The following LRMDA variants were observed in gnomAD, a reference collection of about 807,000 sequenced individuals.
The protein encoded by LRMDA is leucine-rich melanocyte differentiation-associated protein.
In LRMDA, 18 loss-of-function variants were observed where a neutral mutation model predicts 29.8. The observed-to-expected ratio is 0.60, with a 90% CI of 0.42 to 0.90. The LOEUF (loss-of-function observed/expected upper bound fraction) is 0.90, where lower values mean the gene tolerates loss of function less well. LRMDA is among the 40% of genes least tolerant of loss of function. The pLI is 0.00. For missense variants in LRMDA, 273 were observed against 273.9 expected, an observed-to-expected ratio of 1.00 and a Z score of 0.02; for synonymous variants, 125 against 109.4, an observed-to-expected ratio of 1.14 and a Z score of -0.89.
intron 5 of LRMDA, among the ~76,000 whole-genome samples, chr10:76,211,124 A>G (rs1361894819): frequency 2.6e-5 from 4 of 151,938 alleles, no homozygotes; most frequent in African/African-American, 9.7e-5. Context: ...ATGTGATTTT[A>G]CTTTTCACCT....
chr10:75,618,378 CTCTCTATA>C (rs1406751879), intron 2 of LRMDA, among the ~76,000 whole-genome samples: 383 of 62,606 alleles, frequency 6.1e-3, no homozygotes, highest in African/African-American at 0.016. Context: ...CTCTCTCTCT[CTCTCTATA>C]TATATATATA....
At chr10:75,810,957 T>C (rs1003797864) in intron 2 of LRMDA, among the ~76,000 whole-genome samples, 1 of 152,148 alleles carries the variant, frequency 6.6e-6, no homozygotes, top group Non-Finnish European at 1.5e-5. Context: ...GAGAGGTTAA[T>C]TAACTTGCCC....
chr10:75,481,110 A>G (rs904843682), intron 2 of LRMDA, among the ~76,000 whole-genome samples: 2 of 152,178 alleles, frequency 1.3e-5, no homozygotes, highest in Non-Finnish European at 2.9e-5. Flanking sequence ...TCCAGGACAC[A>G]GTAGATATAT....
chr10:75,617,368 TG>T (rs1841117573), intron 2 of LRMDA, among the ~76,000 whole-genome samples: 1 of 152,142 alleles, frequency 6.6e-6, no homozygotes, highest in African/African-American at 2.4e-5. Context: ...TGGGAGTACA[TG>T]GTGGCAGCTT....
intron 6 of LRMDA, among the ~76,000 whole-genome samples, chr10:76,339,546 A>G (rs1443447660): frequency 6.6e-6 from 1 of 151,968 alleles, no homozygotes; most frequent in Non-Finnish European, 1.5e-5. Flanking sequence ...AACCAAGCAA[A>G]CCTAATGACA....
intron 2 of LRMDA, among the ~76,000 whole-genome samples, chr10:75,859,614 C>CAA (rs1023439327): frequency 4.1e-5 from 6 of 146,694 alleles, no homozygotes; most frequent in African/African-American, 7.9e-5. Context: ...CACACACACA[C>CAA]ACACACACAC....
intron 2 of LRMDA, among the ~76,000 whole-genome samples, chr10:75,708,629 G>A (rs757470355): frequency 1.2e-4 from 19 of 152,048 alleles, no homozygotes; most frequent in Non-Finnish European, 2.4e-4. Context: ...TTAACAACAA[G>A]GCACAGGAGA....
At chr10:75,909,449 C>T (rs1229219206) in intron 2 of LRMDA, among the ~76,000 whole-genome samples, 1 of 152,042 alleles carries the variant, frequency 6.6e-6, no homozygotes, top group East Asian at 1.9e-4. Context: ...GATGCTGTGG[C>T]GTATCCTCTG....
At chr10:75,936,992 C>A (rs894610364) in intron 2 of LRMDA, among the ~76,000 whole-genome samples, 1 of 152,098 alleles carries the variant, frequency 6.6e-6, no homozygotes, top group Non-Finnish European at 1.5e-5. Context: ...ATGGACTTAA[C>A]CCTCAATATT....
At chr10:76,281,714 T>C (rs772288297) in intron 5 of LRMDA, among the ~76,000 whole-genome samples, 2 of 152,224 alleles carry the variant, frequency 1.3e-5, no homozygotes, top group African/African-American at 4.8e-5. Context: ...TGTGTCAATC[T>C]GCCTTACCTG....
intron 5 of LRMDA, among the ~76,000 whole-genome samples, chr10:76,296,209 T>C (rs73289076): frequency 0.03 from 4,620 of 152,312 alleles, 214 homozygotes; most frequent in African/African-American, 0.1. Flanking sequence ...TTATATTAAC[T>C]ATCAAATAAG....
At chr10:76,113,776 C>T (rs1039992954) in intron 5 of LRMDA, among the ~76,000 whole-genome samples, 3 of 152,296 alleles carry the variant, frequency 2.0e-5, no homozygotes, top group African/African-American at 7.2e-5. Flanking sequence ...TTGCTCTGGA[C>T]GTCCCTTCCA....
At chr10:75,860,823 G>C (rs1043422026) in intron 2 of LRMDA, among the ~76,000 whole-genome samples, 10 of 152,208 alleles carry the variant, frequency 6.6e-5, no homozygotes, top group Non-Finnish European at 1.5e-4. Context: ...TACCCTGCCT[G>C]TTATACACTG....
intron 5 of LRMDA, among the ~76,000 whole-genome samples, chr10:76,155,364 A>AC (rs151285768): frequency 0.15 from 23,124 of 151,820 alleles, 1,969 homozygotes; most frequent in East Asian, 0.24. Context: ...AATCTCTGTC[A>AC]CTCTTCTCCC....
intron 2 of LRMDA, among the ~76,000 whole-genome samples, chr10:75,900,534 G>A (rs1289301134): frequency 6.6e-6 from 1 of 152,160 alleles, no homozygotes; most frequent in East Asian, 1.9e-4. Flanking sequence ...GACTAGATTG[G>A]GGGAGGGGAA....
rs200886202 is a variant in LRMDA, at chr10:76,284,626, G to GT, written c.517-39767dup. ...TTTAACCCTGATTTTGAAATCTTGG[G>GT]TTTTTTTTGTATTATTTGTTTAAGA... On this transcript the variant is annotated intron_variant, in intron 5 of 6. Coordinates refer to ENST00000611255, the MANE Select transcript of LRMDA (RefSeq NM_001305581.2). Among the ~76,000 whole-genome samples the GT allele has an allele frequency of 4.3e-3, 653 of 151,954 alleles. 3 individuals carry two copies. Among genetic ancestry groups the GT allele is most frequent in the African/African-American group, 0.015 (619 of 41,458 alleles).
At chr10:75,750,954 C>T (rs538436937) in intron 2 of LRMDA, among the ~76,000 whole-genome samples, 1 of 152,294 alleles carries the variant, frequency 6.6e-6, no homozygotes, top group South Asian at 2.1e-4. Context: ...CTTTGGGAGG[C>T]CAAGGCAGGC....
At chr10:76,272,403 A>G (rs1461991478) in intron 5 of LRMDA, among the ~76,000 whole-genome samples, 1 of 152,198 alleles carries the variant, frequency 6.6e-6, no homozygotes, top group African/African-American at 2.4e-5. Flanking sequence ...CCTGGAATCC[A>G]TGGTCTGTGA....
intron 2 of LRMDA, among the ~76,000 whole-genome samples, chr10:75,961,956 C>T (rs1233341932): frequency 6.6e-6 from 1 of 152,076 alleles, no homozygotes; most frequent in Non-Finnish European, 1.5e-5. Flanking sequence ...GGAGAATCAT[C>T]ACCCTGATCT....
Sources: allele counts gnomAD v4.1 joint callset (sites outside exome capture counted in the v4.1 genomes callset), GRCh38; gene constraint gnomAD v4.1.1; transcripts MANE v1.5; gene names NCBI Gene and HGNC (gene_info 2026-07-23, HGNC 2026-07-21).